The following HSD17B4 variants were observed in gnomAD, a reference collection of about 807,000 sequenced individuals.
HSD17B4 encodes peroxisomal multifunctional enzyme type 2.
In HSD17B4, 70 loss-of-function variants were observed where a neutral mutation model predicts 101.0. The ratio of observed to expected loss-of-function variants is 0.69; its 90% CI spans 0.57 to 0.85. The LOEUF (loss-of-function observed/expected upper bound fraction) is 0.85, where lower values mean the gene tolerates loss of function less well. Ranked by LOEUF, HSD17B4 falls within the 40% of genes least tolerant of loss-of-function variation. The pLI is 0.00. For synonymous variants in HSD17B4, 347 were observed against 297.1 expected, an observed-to-expected ratio of 1.17 and a Z score of -1.73; for missense variants, 984 against 892.4, an observed-to-expected ratio of 1.10 and a Z score of -1.31.
At chr5:119,472,780 C>T (rs566361109) in intron 2 of HSD17B4, among the ~76,000 whole-genome samples, 1 of 152,294 alleles carries the variant, frequency 6.6e-6, no homozygotes, top group Admixed American at 6.5e-5. Context: ...CTCTCCATTT[C>T]CAGCATCTCA....
At chr5:119,460,250 C>T (rs1036270536) in intron 2 of HSD17B4, among the ~76,000 whole-genome samples, 1 of 152,160 alleles carries the variant, frequency 6.6e-6, no homozygotes, top group Non-Finnish European at 1.5e-5. Flanking sequence ...AATATTTAAA[C>T]CATCCCAGGC....
At chr5:119,452,719 G>A (rs1416828365) in intron 1 of HSD17B4, 86 bp downstream of exon 1, 2 of 1,605,702 alleles carry the variant, frequency 1.2e-6, no homozygotes, top group African/African-American at 1.3e-5. Flanking sequence ...CGCAGCCGCA[G>A]CTGAGGTCAC....
chr5:119,469,397 C>G (rs756016124), intron 2 of HSD17B4, among the ~76,000 whole-genome samples: 2 of 151,884 alleles, frequency 1.3e-5, no homozygotes, highest in Non-Finnish European at 2.9e-5. Flanking sequence ...CTCTGTTGCC[C>G]AGGCTGGAGT....
chr5:119,527,463 T>C (rs1038378175), intron 20 of HSD17B4, among the ~76,000 whole-genome samples: 1 of 152,096 alleles, frequency 6.6e-6, no homozygotes, highest in Admixed American at 6.6e-5. Context: ...AATTGGTAGC[T>C]ATCTATGTAG....
rs1204079596 is a variant in HSD17B4 at position 119,478,839 on chromosome 5, T to G, written c.440T>G (p.Ile147Ser). ...GAGATTGATTTTCTTTTTAGGATTA[T>G]TATGACTTCATCAGCTTCAGGAATA... ...HMKKQKYGRI[I>S]MTSSASGIYG... The change falls in exon 8 of 24, where the codon ATT (isoleucine) becomes AGT (serine). Residue 147 changes from isoleucine (I) to serine (S), a missense_variant. Ile to Ser is a moderately radical substitution (Grantham distance 142, BLOSUM62 -2). Coordinates refer to ENST00000510025, the MANE Select transcript of HSD17B4 (RefSeq NM_000414.4). 6.2e-7 allele frequency: 1 copy of G among 1,612,166 alleles called. No individual in the cohort carries two copies.
chr5:119,483,732 A>G (rs1749355739), intron 8 of HSD17B4, among the ~76,000 whole-genome samples: 1 of 152,104 alleles, frequency 6.6e-6, no homozygotes, highest in Non-Finnish European at 1.5e-5. Context: ...ATTTTGTTTC[A>G]TTTTTTGATC....
rs1752329710 is a variant in HSD17B4, at chr5:119,513,239, A to AAATGTTAT, written c.1438-1740_1438-1733dup. On this transcript the variant is annotated intron_variant, in intron 16 of 23. Coordinates refer to ENST00000510025, the MANE Select transcript of HSD17B4 (RefSeq NM_000414.4). ...GGCATTCTCTGAATGAAAAGCTTGG[A>AAATGTTAT]AATGTTATATTCACTCTTAAAACAT... 5.9e-5 allele frequency among the ~76,000 whole-genome samples: 9 copies of AAATGTTAT among 152,358 alleles called. No homozygotes were observed. In the South Asian group the frequency reaches 1.9e-3, roughly 32 times the overall value.
intron 16 of HSD17B4, among the ~76,000 whole-genome samples, chr5:119,511,532 C>G (rs1561474513): frequency 1.3e-5 from 2 of 152,202 alleles, no homozygotes; most frequent in East Asian, 1.9e-4. Context: ...GAACAGTAAT[C>G]TAGCAATTAG....
intron 14 of HSD17B4, among the ~76,000 whole-genome samples, chr5:119,504,085 T>C (rs185843485): frequency 1.8e-4 from 27 of 152,334 alleles, no homozygotes; most frequent in East Asian, 1.9e-4. Context: ...TCCAACTGTA[T>C]CCATGTTGCT....
At chr5:119,473,762 T>C in intron 2 of HSD17B4, 146 bp from the exon 3 acceptor site, 1 of 684,918 alleles carries the variant, frequency 1.5e-6, no homozygotes. Context: ...TGTGTTGTGT[T>C]TAGTAAGATG....
chr5:119,456,663 C>T (rs905691726), intron 2 of HSD17B4: 21 of 434,994 alleles, frequency 4.8e-5, no homozygotes, highest in Non-Finnish European at 7.6e-5. Flanking sequence ...GGGAGGATCG[C>T]TTGAGACCAG....
rs1336093236 is a variant in HSD17B4, at chr5:119,530,861, AAAC to A, written c.1855-402_1855-400del. On this transcript the variant is annotated intron_variant, in intron 21 of 23. Transcript: ENST00000510025. ...AGTCTGTCTCAAAAAAAAAAAAAAA[AAAC>A]AAAAAACAAAAAAAACCCAAAACTT... is the stretch of plus-strand genomic sequence containing the variant. 3.8e-5 allele frequency among the ~76,000 whole-genome samples: 5 copies of A among 130,894 alleles called. 1 individual carries two copies. Among genetic ancestry groups the A allele is most frequent in the South Asian group, 2.4e-4 (1 of 4,244 alleles). 85.9% of individuals were successfully genotyped at this position (130,894 alleles called of 152,430 possible).
At chr5:119,467,980 C>G (rs1755984148) in intron 2 of HSD17B4, among the ~76,000 whole-genome samples, 1 of 152,134 alleles carries the variant, frequency 6.6e-6, no homozygotes, top group Non-Finnish European at 1.5e-5. Context: ...TTAAAAAAAT[C>G]TATCCAGCCA....
Position 119,470,317 on chromosome 5 carries a change from G to C in HSD17B4, c.113-3591G>C, listed in dbSNP as rs529854502. ...GTGTGGGCATGGTGGGATGATGGCA[G>C]ATGGCACCCCTAGGATGTGGAGGTG... On this transcript the variant is annotated intron_variant, in intron 2 of 23. Coordinates refer to ENST00000510025, the MANE Select transcript of HSD17B4 (RefSeq NM_000414.4). Among the ~76,000 whole-genome samples, 5 of 152,174 alleles carry C rather than the reference G, an allele frequency of 3.3e-5. No homozygotes were observed. The East Asian group carries it at 7.7e-4, about 23-fold the overall frequency.
At chr5:119,508,603 T>G (rs1218714345) in intron 15 of HSD17B4, among the ~76,000 whole-genome samples, 1 of 152,232 alleles carries the variant, frequency 6.6e-6, no homozygotes. Context: ...TATCATTTAT[T>G]CACTGATTTA....
At chr5:119,481,485 T>G (rs1415022686) in intron 8 of HSD17B4, among the ~76,000 whole-genome samples, 1 of 152,202 alleles carries the variant, frequency 6.6e-6, no homozygotes, top group Non-Finnish European at 1.5e-5. Context: ...GTTGCAGGTT[T>G]GATTGTAGAT....
rs1370505129 is a variant in HSD17B4, at chr5:119,541,899, T to G, written c.2122-6T>G. 2 of 1,589,916 alleles carry G rather than the reference T, an allele frequency of 1.3e-6. No homozygotes were observed. Among genetic ancestry groups the G allele is most frequent in the Non-Finnish European group, 1.7e-6 (2 of 1,158,618 alleles). ...TTGGCACTCTTTTTCCCTCCTCTCC[T>G]TGCAGGCATTCTTTAGTGGCAGGCT... is the stretch of plus-strand genomic sequence containing the variant. On this transcript the variant is annotated splice_polypyrimidine_tract_variant and splice_region_variant and intron_variant, in intron 23 of 23. Transcript: ENST00000510025.
intron 2 of HSD17B4, among the ~76,000 whole-genome samples, chr5:119,466,318 A>G (rs1755806427): frequency 6.6e-6 from 1 of 152,166 alleles, no homozygotes; most frequent in Admixed American, 6.5e-5. Flanking sequence ...TGCCCACCTC[A>G]TAGAATGAGT....
chr5:119,464,782 G>C (rs1019053789), intron 2 of HSD17B4: 5 of 151,946 alleles, frequency 3.3e-5, no homozygotes, highest in African/African-American at 1.2e-4. Context: ...TTTTAATAGA[G>C]ATGGGGTTTC....
Sources: gnomAD v4.1 joint callset for allele counts (sites outside exome capture counted in the v4.1 genomes callset) on GRCh38, gnomAD v4.1.1 for gene constraint, MANE v1.5 for transcripts, NCBI Gene and HGNC (gene_info 2026-07-23, HGNC 2026-07-21) for gene names.